CC2D1A: variants seen among roughly 807,000 people sequenced by gnomAD.
CC2D1A encodes the protein coiled-coil and C2 domain containing 1A.
CC2D1A carries 68 observed loss-of-function variants against 123.8 expected under a neutral mutation model. The observed-to-expected ratio is 0.55, with a 90% CI of 0.45 to 0.67. CC2D1A has a LOEUF of 0.67. CC2D1A is among the 30% of genes least tolerant of loss of function. The pLI is 0.00. For missense variants in CC2D1A, 1,185 were observed against 1,290.3 expected (o/e 0.92, Z 1.25); for synonymous variants, 477 against 528.0 (o/e 0.90, Z 1.32).
At chr19:13,914,638 C>T (rs1041315400) in intron 6 of CC2D1A, among the ~76,000 whole-genome samples, 1 of 148,068 alleles carries the variant, frequency 6.8e-6, no homozygotes, top group African/African-American at 2.5e-5. Flanking sequence ...CAGGCCTCAT[C>T]GCCTTTTTTT....
At chr19:13,927,102 C>T (rs1191119531) in intron 21 of CC2D1A, 25 bp downstream of exon 21, 2 of 1,612,086 alleles carry the variant, frequency 1.2e-6, no homozygotes, top group East Asian at 4.5e-5. Flanking sequence ...GCCATGGCCG[C>T]TGGGTGGGCT....
intron 2 of CC2D1A, among the ~76,000 whole-genome samples, chr19:13,910,496 G>A (rs111324485): frequency 0.057 from 8,535 of 150,264 alleles, 822 homozygotes; most frequent in African/African-American, 0.2. Flanking sequence ...TATGTGACTT[G>A]ATGAGTCACA....
At chr19:13,916,218 C>T (rs981269778) in intron 6 of CC2D1A, among the ~76,000 whole-genome samples, 1 of 152,094 alleles carries the variant, frequency 6.6e-6, no homozygotes, top group Non-Finnish European at 1.5e-5. Flanking sequence ...GATCACACCA[C>T]TGCACTCCAG....
rs1008424382 is a variant in CC2D1A at position 13,919,182 on chromosome 19, C to A, written c.1202C>A (p.Ala401Asp). Residue 401 changes from alanine (A) to aspartate (D), a missense_variant, in exon 11 of 29, where the codon GCT becomes GAT. Coordinates refer to ENST00000318003, the MANE Select transcript of CC2D1A (RefSeq NM_017721.5). ...AAGGCTGGCCGAGCCGTGGATGTCGCTGAATTGCCCGTGCCCCCAGGTAGG... is the reference window on the plus strand; with the variant it reads ...AAGGCTGGCCGAGCCGTGGATGTCGATGAATTGCCCGTGCCCCCAGGTAGG... ...AHKAGRAVDV[A>D]ELPVPPGFPP... The A allele has an allele frequency of 6.2e-7, 1 of 1,612,860 alleles. No homozygotes were observed. The highest frequency in any genetic ancestry group is 1.3e-5 in the African/African-American group (1 of 75,024).
chr19:13,913,235 C>A lies in CC2D1A; in HGVS notation c.446C>A (p.Thr149Lys), dbSNP rs771608725. The A allele has an allele frequency of 1.2e-6, 2 of 1,613,444 alleles. No homozygotes were observed. Among genetic ancestry groups the A allele is most frequent in the Non-Finnish European group, 1.7e-6 (2 of 1,179,930 alleles). ...CAGGAGAGGCTGGCGCTCTATCAGACAGCAATTGAAAGCGCCAGACAAGCT... is the reference window on the plus strand; with the variant it reads ...CAGGAGAGGCTGGCGCTCTATCAGAAAGCAATTGAAAGCGCCAGACAAGCT... ...TLQERLALYQTAIESARQAGD... is the reference protein window; with the variant it reads ...TLQERLALYQKAIESARQAGD... Residue 149 changes from threonine to lysine, a missense_variant, in exon 5 of 29, where the codon ACA becomes AAA. By Grantham distance (78) the Thr-to-Lys change is moderately conservative (BLOSUM62 -1). Coordinates refer to ENST00000318003, the MANE Select transcript of CC2D1A (RefSeq NM_017721.5).
intron 24 of CC2D1A, among the ~76,000 whole-genome samples, chr19:13,928,613 G>T (rs754127125): frequency 2.6e-4 from 39 of 151,762 alleles, no homozygotes; most frequent in Non-Finnish European, 3.8e-4. Flanking sequence ...AGTTTCCTGG[G>T]TGTGCAGCCA....
Position 13,918,896 on chromosome 19 carries a change from C to T in CC2D1A, c.1019-16C>T. On this transcript the variant is annotated splice_polypyrimidine_tract_variant and intron_variant, in intron 9 of 28. Coordinates refer to ENST00000318003, the MANE Select transcript of CC2D1A (RefSeq NM_017721.5). The stretch of plus-strand genomic sequence containing the variant: ...CCATCCGTTGACTCTTAACCTTGTC[C>T]CCCTGTCCGGCCCAGAGGTGCCCCC... The T allele has an allele frequency of 6.2e-7, 1 of 1,607,286 alleles. No homozygotes were observed. The highest frequency in any genetic ancestry group is 1.7e-5 in the Admixed American group (1 of 59,488).
At position 13,909,899 on chromosome 19, in the gene CC2D1A, C is replaced by T. The variant is rs760634655; in HGVS notation, c.137C>T (p.Ala46Val). The change falls in exon 2 of 29, where the codon GCT becomes GTT. Residue 46 changes from alanine to valine, a missense_variant. Physicochemically the swap from Ala to Val is moderately conservative, Grantham distance 64. Coordinates refer to ENST00000318003, the MANE Select transcript of CC2D1A (RefSeq NM_017721.5). ...EDGANDEELE[A>V]EFLALVGGQP... ...GGGGCTAACGATGAAGAACTGGAGG[C>T]TGAGTTCTTGGCTTTGGTCGGGGGC... is the stretch of plus-strand genomic sequence containing the variant. 7.4e-5 allele frequency: 116 copies of T among 1,559,324 alleles called. No individual in the cohort carries two copies. The highest frequency in any genetic ancestry group is 9.9e-5 in the Non-Finnish European group (114 of 1,151,270).
Position 13,929,635 on chromosome 19 carries a change from G to GC in CC2D1A, c.2686dup (p.Gln896ProfsTer43), listed in dbSNP as rs769427950. 6.4e-7 allele frequency: 1 copy of GC among 1,570,326 alleles called. No homozygotes were observed. The highest frequency in any genetic ancestry group is 8.6e-7 in the Non-Finnish European group (1 of 1,160,860). On this transcript the variant is annotated frameshift_variant, in exon 26 of 29. Coordinates refer to ENST00000318003, the MANE Select transcript of CC2D1A (RefSeq NM_017721.5). LOFTEE classifies it high-confidence loss of function. ...GCCAGTGGCAGAGGGCACAGCTGGA[G>GC]CAGGGGGGTGTGGGCATCCGACGGG...
At position 13,906,523 on chromosome 19, in the gene CC2D1A, C is replaced by A. The variant is rs762826458; in HGVS notation, c.60+22C>A. On this transcript the variant is annotated intron_variant, in intron 1 of 28. Transcript: ENST00000318003. The surrounding 1 kb of genome is among the most constrained non-coding windows in gnomAD (Gnocchi z 4.1). ...CCAGGTGAGTTTGCGCCCCACGGCCCGACCTGGGGATCCCTCCCCACCCCC... is the reference window on the plus strand; with the variant it reads ...CCAGGTGAGTTTGCGCCCCACGGCCAGACCTGGGGATCCCTCCCCACCCCC... 4 of 1,461,310 alleles carry A rather than the reference C, an allele frequency of 2.7e-6. No individual in the cohort carries two copies. The South Asian group carries it at 5.2e-5, about 19-fold the overall frequency. 90.5% of individuals were successfully genotyped at this position (1,461,310 alleles called of 1,614,324 possible). A position where few individuals can be genotyped will look rare whatever the true frequency, so the allele number is the denominator to read the frequency against.
chr19:13,924,932 A>G (rs1480839773), intron 17 of CC2D1A, among the ~76,000 whole-genome samples: 2 of 152,052 alleles, frequency 1.3e-5, no homozygotes, highest in Non-Finnish European at 2.9e-5. Flanking sequence ...TTTGGCCACA[A>G]GGGACTCTTT....
At chr19:13,907,596 C>T (rs939011223) in intron 1 of CC2D1A, among the ~76,000 whole-genome samples, 3 of 151,898 alleles carry the variant, frequency 2.0e-5, no homozygotes, top group East Asian at 1.9e-4. Flanking sequence ...TCGCTTGAAC[C>T]GAGAGGCGGA....
Position 13,923,847 on chromosome 19 carries a change from C to T in CC2D1A, c.1940+36C>T, listed in dbSNP as rs757710017. On this transcript the variant is annotated intron_variant, in intron 17 of 28. Transcript: ENST00000318003. This position sits in a 1 kb window ranked among gnomAD's most constrained non-coding sequence, Gnocchi z 5.3. ...TGATCTACGCCCCACCACGTGGCCC[C>T]AGTGGCCCTTTGGTGGCGGTGGGGC... is the stretch of plus-strand genomic sequence containing the variant. The T allele has an allele frequency of 1.3e-6, 2 of 1,511,180 alleles. No individual in the cohort carries two copies. The highest frequency in any genetic ancestry group is 2.3e-5 in the South Asian group (2 of 88,844). 93.6% of individuals were successfully genotyped at this position (1,511,180 alleles called of 1,614,324 possible). A position where few individuals can be genotyped will look rare whatever the true frequency, so the allele number is the denominator to read the frequency against.
At chr19:13,920,026 C>T (rs949108516) in intron 12 of CC2D1A, 75 bp downstream of exon 12, 11 of 1,427,880 alleles carry the variant, frequency 7.7e-6, no homozygotes, top group African/African-American at 5.7e-5. Context: ...ATGGGAGGAT[C>T]GCTTGAGGCC....
Position 13,930,559 on chromosome 19 carries a change from G to C in CC2D1A, c.*164G>C. On this transcript the variant is annotated 3_prime_UTR_variant, in exon 29 of 29. Transcript: ENST00000318003. The surrounding 1 kb of genome is among the most constrained non-coding windows in gnomAD (Gnocchi z 6.8). ...CCCCGCCAGAGCCTCCGTGGCTGCGGGTGTTGGGAACCATGCCTGCCAGCC... is the reference window on the plus strand; with the variant it reads ...CCCCGCCAGAGCCTCCGTGGCTGCGCGTGTTGGGAACCATGCCTGCCAGCC... 2.6e-6 allele frequency: 2 copies of C among 763,600 alleles called. No homozygotes were observed. The highest frequency in any genetic ancestry group is 1.9e-5 in the South Asian group (1 of 53,950). 47.3% of individuals were successfully genotyped at this position (763,600 alleles called of 1,614,324 possible).
rs762047796 is a variant in CC2D1A, at chr19:13,920,805, A to G, written c.1524A>G (p.Ala508=). 5.6e-6 allele frequency: 9 copies of G among 1,614,042 alleles called. No homozygotes were observed. In the South Asian group the frequency reaches 9.9e-5, roughly 18 times the overall value. The change falls in exon 14 of 29, where the codon GCA becomes GCG. Residue 508 remains alanine, a synonymous_variant. Transcript: ENST00000318003. ...GCAAGAAGCAGCTCCTGCAGGCCGC[A>G]CTGCGAGCCAAGCAGAAAAACGACG... is the stretch of plus-strand genomic sequence containing the variant. ...EGRKKQLLQA[A]LRAKQKNDVE...
Position 13,920,649 on chromosome 19 carries a change from C to A in CC2D1A, c.1449C>A (p.Pro483=), listed in dbSNP as rs201221633. The A allele has an allele frequency of 1.6e-5, 25 of 1,610,366 alleles. No homozygotes were observed. Among genetic ancestry groups the A allele is most frequent in the African/African-American group, 8.0e-5 (6 of 74,764 alleles). ...SGSAPTAKAP[P]KATSTRAQQQ... is the part of the protein sequence containing the mutation. The stretch of plus-strand genomic sequence containing the variant: ...CAGCCCCAACAGCCAAAGCGCCCCC[C>A]AAAGCCACATCCACCAGAGGTAAGT... Residue 483 remains proline (P), a synonymous_variant, in exon 13 of 29, where the codon CCC becomes CCA. Transcript: ENST00000318003.
At chr19:13,913,030 G>C in intron 4 of CC2D1A, 138 bp from the exon 5 acceptor site, 1 of 868,008 alleles carries the variant, frequency 1.2e-6, no homozygotes. Flanking sequence ...CTGGGAAATG[G>C]GGACCATGAT....
At chr19:13,911,191 A>C (rs543347748) in intron 2 of CC2D1A, among the ~76,000 whole-genome samples, 1 of 152,048 alleles carries the variant, frequency 6.6e-6, no homozygotes, top group South Asian at 2.1e-4. Flanking sequence ...GGGCCACTGC[A>C]CTCCAGCCTG....
Sources: allele counts gnomAD v4.1 joint callset (sites outside exome capture counted in the v4.1 genomes callset), GRCh38; gene constraint gnomAD v4.1.1; non-coding constraint Gnocchi (gnomAD v3.1); transcripts MANE v1.5; gene names NCBI Gene and HGNC (gene_info 2026-07-23, HGNC 2026-07-21).